The following OR9Q1 variants were observed in gnomAD, a reference collection of about 807,000 sequenced individuals.
The protein encoded by OR9Q1 is olfactory receptor 9Q1.
For missense variants in OR9Q1, 374 were observed against 378.8 expected (o/e 0.99, Z 0.11); for synonymous variants, 153 against 148.6 (o/e 1.03, Z -0.22).
chr11:58,070,294 G>C (rs993752140), intron 2 of OR9Q1, among the ~76,000 whole-genome samples: 2 of 151,964 alleles, frequency 1.3e-5, no homozygotes, highest in Non-Finnish European at 2.9e-5. Context: ...GGGATTACAG[G>C]TGTGAACCAC....
chr11:58,077,503 A>G (rs79628741), intron 2 of OR9Q1: 1 of 152,148 alleles, frequency 6.6e-6, no homozygotes, highest in South Asian at 2.1e-4. Flanking sequence ...TATCTGAGGT[A>G]CTTCACATGT....
intron 2 of OR9Q1, chr11:58,109,037 C>G (rs1349557443): frequency 2.2e-6 from 1 of 458,098 alleles, no homozygotes; most frequent in Non-Finnish European, 4.4e-6. Context: ...ATGACATTGG[C>G]TAGGAACATG....
chr11:58,063,999 G>A (rs1399665971), intron 2 of OR9Q1, among the ~76,000 whole-genome samples: 1 of 152,170 alleles, frequency 6.6e-6, no homozygotes, highest in Non-Finnish European at 1.5e-5. Flanking sequence ...GCTGTCATCA[G>A]CCCTCAGATC....
chr11:58,030,958 AC>A, intron 1 of OR9Q1: 3 of 1,610,656 alleles, frequency 1.9e-6, no homozygotes, highest in Non-Finnish European at 2.5e-6. Flanking sequence ...CACATATGCA[AC>A]CATATACCAA....
At chr11:58,141,026 G>A (rs987031352) in intron 2 of OR9Q1, among the ~76,000 whole-genome samples, 1 of 152,048 alleles carries the variant, frequency 6.6e-6, no homozygotes, top group African/African-American at 2.4e-5. Context: ...TGGATTCCTA[G>A]GTATTTTATT....
intron 1 of OR9Q1, among the ~76,000 whole-genome samples, chr11:58,050,816 G>A (rs1853267450): frequency 2.2e-5 from 1 of 45,326 alleles, no homozygotes; most frequent in Non-Finnish European, 4.2e-5. Flanking sequence ...CTCAAAAGAA[G>A]ACATTTATGC....
chr11:58,056,250 C>T (rs550474178), intron 2 of OR9Q1, among the ~76,000 whole-genome samples: 18 of 152,258 alleles, frequency 1.2e-4, no homozygotes, highest in African/African-American at 4.1e-4. Context: ...GAAAATTTAA[C>T]AGTTGACCTT....
Position 58,115,786 on chromosome 11 carries a change from T to G in OR9Q1, c.-15+59839T>G, listed in dbSNP as rs1853948438. 2.0e-5 allele frequency among the ~76,000 whole-genome samples: 3 copies of G among 152,184 alleles called. No homozygotes were observed. In the South Asian group the frequency reaches 6.2e-4, roughly 32 times the overall value. On this transcript the variant is annotated intron_variant, in intron 2 of 2. Coordinates refer to ENST00000335397, the MANE Select transcript of OR9Q1 (RefSeq NM_001005212.4). ...ACATATACAAAGAAGTACCTTAAAA[T>G]GAATACAGTTTAATAAAAATCTTTA...
chr11:58,081,854 T>C (rs1347203107), intron 2 of OR9Q1, among the ~76,000 whole-genome samples: 2 of 151,734 alleles, frequency 1.3e-5, no homozygotes, highest in East Asian at 3.9e-4. Context: ...GCTATTAATG[T>C]AGTCAACATT....
chr11:58,171,149 G>A (rs1337869351), intron 2 of OR9Q1: 1 of 152,178 alleles, frequency 6.6e-6, no homozygotes, highest in Non-Finnish European at 1.5e-5. Flanking sequence ...ATGTGTCTAT[G>A]ATTATTTTGT....
intron 1 of OR9Q1, chr11:58,031,878 T>C (rs745966210): frequency 6.2e-7 from 1 of 1,612,936 alleles, no homozygotes; most frequent in East Asian, 2.2e-5. Flanking sequence ...GGTCGAGTCT[T>C]TTCTCTCAAC....
intron 1 of OR9Q1, among the ~76,000 whole-genome samples, chr11:58,029,414 A>G (rs1240775592): frequency 1.3e-5 from 2 of 152,218 alleles, no homozygotes; most frequent in Non-Finnish European, 2.9e-5. Flanking sequence ...AACCTGGCAC[A>G]GCATCACTTC....
chr11:58,037,814 G>A (rs1853122693), intron 1 of OR9Q1, among the ~76,000 whole-genome samples: 1 of 138,786 alleles, frequency 7.2e-6, no homozygotes, highest in Non-Finnish European at 1.5e-5. Context: ...TGCCTTCTGG[G>A]TTCATGCCAT....
intron 2 of OR9Q1, among the ~76,000 whole-genome samples, chr11:58,060,395 A>G (rs958793451): frequency 2.6e-5 from 4 of 152,240 alleles, no homozygotes; most frequent in Non-Finnish European, 4.4e-5. Flanking sequence ...CAAAATAACA[A>G]GAAAATCTAA....
chr11:58,069,203 G>A (rs1181758523), intron 2 of OR9Q1, among the ~76,000 whole-genome samples: 1 of 151,978 alleles, frequency 6.6e-6, no homozygotes, highest in East Asian at 1.9e-4. Flanking sequence ...CTCACCTGGA[G>A]TTAACACCCT....
intron 2 of OR9Q1, among the ~76,000 whole-genome samples, chr11:58,107,633 G>C (rs916962523): frequency 6.6e-6 from 1 of 152,070 alleles, no homozygotes; most frequent in African/African-American, 2.4e-5. Context: ...ACCTAGCAAT[G>C]GGATCTCTGG....
intron 2 of OR9Q1, among the ~76,000 whole-genome samples, chr11:58,057,083 TC>T (rs2119985713): frequency 7.2e-6 from 1 of 139,840 alleles, no homozygotes; most frequent in Non-Finnish European, 1.5e-5. Flanking sequence ...CAACCCTGCC[TC>T]CCAGGTTCAA....
At chr11:58,032,911 A>G (rs1471031513) in intron 1 of OR9Q1, among the ~76,000 whole-genome samples, 1 of 152,220 alleles carries the variant, frequency 6.6e-6, no homozygotes, top group Admixed American at 6.5e-5. Flanking sequence ...ATCAACAAGA[A>G]AAAAACAATT....
intron 2 of OR9Q1, among the ~76,000 whole-genome samples, chr11:58,110,337 TC>T: frequency 6.6e-6 from 1 of 152,288 alleles, no homozygotes; most frequent in Admixed American, 6.5e-5. Context: ...TTCCCAGTTA[TC>T]CCAACAATTC....
Sources: allele counts gnomAD v4.1 joint callset (sites outside exome capture counted in the v4.1 genomes callset), GRCh38; gene constraint gnomAD v4.1.1; transcripts MANE v1.5; gene names NCBI Gene and HGNC (gene_info 2026-07-23, HGNC 2026-07-21).